Variants in NUP107 observed in about 807,000 individuals in gnomAD.
NUP107 encodes the protein nuclear pore complex protein Nup107.
NUP107 carries 101 observed loss-of-function variants against 141.0 expected under a neutral mutation model. The ratio of observed to expected loss-of-function variants is 0.72; its 90% CI spans 0.61 to 0.84. The LOEUF is 0.84. Among genes scored for constraint, NUP107 ranks in the 40% least tolerant of loss-of-function variants. The pLI is 0.00. For missense variants in NUP107, 941 were observed against 1,102.7 expected (o/e 0.85, Z 2.08); for synonymous variants, 319 against 363.9 (o/e 0.88, Z 1.41).
At chr12:68,693,823 T>G (rs1875927795) in intron 5 of NUP107, among the ~76,000 whole-genome samples, 1 of 152,216 alleles carries the variant, frequency 6.6e-6, no homozygotes. Context: ...TTTTTCTTAT[T>G]TGTGCTGTTG....
intron 8 of NUP107, among the ~76,000 whole-genome samples, chr12:68,704,440 T>C (rs1405401029): frequency 1.2e-4 from 18 of 152,116 alleles, no homozygotes; most frequent in Non-Finnish European, 1.0e-4. Flanking sequence ...TTATATTTTC[T>C]GTTTTTAAAA....
At chr12:68,689,763 C>T in intron 3 of NUP107, 144 bp downstream of exon 3, 2 of 619,560 alleles carry the variant, frequency 3.2e-6, no homozygotes, top group Middle Eastern at 4.2e-4. Context: ...TTCGTTTGAA[C>T]TCTTGCCATG....
At chr12:68,705,029 T>C (rs539670611) in intron 8 of NUP107, among the ~76,000 whole-genome samples, 1 of 152,042 alleles carries the variant, frequency 6.6e-6, no homozygotes, top group Admixed American at 6.6e-5. Flanking sequence ...ACTACAGGTG[T>C]GTACCACCAT....
intron 19 of NUP107, 25 bp downstream of exon 19, chr12:68,726,642 C>A: frequency 7.2e-7 from 1 of 1,393,598 alleles, no homozygotes; most frequent in African/African-American, 1.4e-5. Flanking sequence ...ACGATTTCTT[C>A]TTCTCTGTAA....
At chr12:68,698,595 T>A (rs1876180669) in intron 6 of NUP107, among the ~76,000 whole-genome samples, 1 of 152,074 alleles carries the variant, frequency 6.6e-6, no homozygotes, top group Non-Finnish European at 1.5e-5. Flanking sequence ...CAGTGAAACA[T>A]TATTCAATGC....
chr12:68,687,729 G>A (rs1392439372), intron 1 of NUP107: 9 of 803,910 alleles, frequency 1.1e-5, no homozygotes, highest in Non-Finnish European at 1.4e-5. Context: ...CCTACTATGT[G>A]ACTGCCATTG....
In NUP107 at chr12:68,715,375, T is replaced by C. The variant is rs189102024; in HGVS notation, c.970-252T>C. On this transcript the variant is annotated intron_variant, in intron 11 of 27. Coordinates refer to ENST00000229179, the MANE Select transcript of NUP107 (RefSeq NM_020401.4). ...TGGGCGTGGTGGCGTGCACCTATAA[T>C]CCCAGCTGCTCGGGAGGCCGAGGCA... Among the ~76,000 whole-genome samples the C allele has an allele frequency of 8.2e-4, 125 of 152,102 alleles. No homozygotes were observed. The East Asian group carries it at 0.019, about 23-fold the overall frequency.
intron 6 of NUP107, among the ~76,000 whole-genome samples, chr12:68,698,942 AATG>A (rs1169677286): frequency 2.0e-5 from 3 of 152,124 alleles, no homozygotes; most frequent in Non-Finnish European, 2.9e-5. Flanking sequence ...TTTGGGGGAT[AATG>A]ATGTGTCAAT....
chr12:68,693,324 T>C (rs1355622074), intron 5 of NUP107, among the ~76,000 whole-genome samples: 1 of 151,944 alleles, frequency 6.6e-6, no homozygotes, highest in Non-Finnish European at 1.5e-5. Context: ...TGATCCGTCC[T>C]CCTCAGCCTC....
At chr12:68,706,436 G>A (rs1364487673) in intron 8 of NUP107, 3 of 798,436 alleles carry the variant, frequency 3.8e-6, no homozygotes, top group Non-Finnish European at 6.6e-6. Flanking sequence ...GGCACCGTAC[G>A]AGGAGATCGC....
chr12:68,692,122 C>T lies in NUP107; in HGVS notation c.448+10C>T, dbSNP rs773827354. The T allele has an allele frequency of 6.4e-7, 1 of 1,566,712 alleles. No homozygotes were observed. Among genetic ancestry groups the T allele is most frequent in the Non-Finnish European group, 8.6e-7 (1 of 1,160,460 alleles). On this transcript the variant is annotated intron_variant, in intron 5 of 27. Transcript: ENST00000229179. ...GATCCTGGAGAAGCTGGTAAAATGG[C>T]ATTGAGCTTTGTGACAAGTAGCTTT...
At chr12:68,733,640 T>C in intron 24 of NUP107, 28 bp downstream of exon 24, 3 of 1,574,480 alleles carry the variant, frequency 1.9e-6, no homozygotes, top group Non-Finnish European at 2.6e-6. Context: ...GCCACAGATG[T>C]GCCTACTTCA....
chr12:68,689,617 C>T lies in NUP107; in HGVS notation c.185C>T (p.Pro62Leu), dbSNP rs1875682958. ...IPRTPSSFRQ[P>L]FTPTSRSLLR... Reference sequence around the variant, plus strand: ...CGAACTCCTAGCTCATTTCGACAGCCTTGTAAGATTTTTTGCTTTTAAAGC... The same window carrying T: ...CGAACTCCTAGCTCATTTCGACAGCTTTGTAAGATTTTTTGCTTTTAAAGC... The change falls in exon 3 of 28, where the codon CCT becomes CTT. Residue 62 changes from proline to leucine, a missense_variant and splice_region_variant. Pro to Leu is a moderately conservative substitution (Grantham distance 98, BLOSUM62 -3). Transcript: ENST00000229179. 2 of 1,603,850 alleles carry T rather than the reference C, an allele frequency of 1.2e-6. No homozygotes were observed. Among genetic ancestry groups the T allele is most frequent in the Middle Eastern group, 1.7e-4 (1 of 6,036 alleles).
In NUP107 at chr12:68,721,847, C is replaced by T. The variant is rs778617543; in HGVS notation, c.1318C>T (p.Pro440Ser). The T allele has an allele frequency of 1.9e-6, 3 of 1,611,908 alleles. No homozygotes were observed. The highest frequency in any genetic ancestry group is 1.1e-5 in the South Asian group (1 of 90,546). Residue 440 changes from proline to serine, a missense_variant, in exon 16 of 28, where the codon CCT becomes TCT. Transcript: ENST00000229179. The stretch of plus-strand genomic sequence containing the variant: ...TTTTGTAATGGGGAAAAAGCTGCTT[C>T]CTGTCTGTGACACCTGGGAAGACAC... ...ALSGNLKQLL[P>S]VCDTWEDTVW...
At chr12:68,726,725 G>T in intron 19 of NUP107, 108 bp downstream of exon 19, 2 of 754,772 alleles carry the variant, frequency 2.6e-6, no homozygotes, top group Non-Finnish European at 2.2e-6. Flanking sequence ...TGGTGATAAG[G>T]AATCAAAAGT....
intron 20 of NUP107, among the ~76,000 whole-genome samples, chr12:68,730,718 A>C (rs936478584): frequency 6.6e-6 from 1 of 152,224 alleles, no homozygotes. Flanking sequence ...TAATCCCAGC[A>C]CTTTAGGAGG....
chr12:68,741,323 T>C (rs1168617207), intron 26 of NUP107, among the ~76,000 whole-genome samples: 3 of 152,142 alleles, frequency 2.0e-5, no homozygotes, highest in African/African-American at 7.2e-5. Context: ...TTTTTCTGTT[T>C]TTAAAAATTA....
chr12:68,726,850 A>G (rs150098365), intron 19 of NUP107, among the ~76,000 whole-genome samples: 178 of 152,306 alleles, frequency 1.2e-3, no homozygotes, highest in African/African-American at 4.2e-3. Context: ...TAAATTCATA[A>G]CTTTATCCTT....
At chr12:68,696,983 A>G (rs1238399204) in intron 6 of NUP107, 61 bp downstream of exon 6, 1 of 1,001,888 alleles carries the variant, frequency 1.0e-6, no homozygotes, top group Non-Finnish European at 1.5e-6. Context: ...CATAAACAGC[A>G]TTAACCTAAT....
Sources: allele counts gnomAD v4.1 joint callset (sites outside exome capture counted in the v4.1 genomes callset), GRCh38; gene constraint gnomAD v4.1.1; transcripts MANE v1.5; gene names NCBI Gene and HGNC (gene_info 2026-07-23, HGNC 2026-07-21).